Variants in ZGRF1 observed in about 807,000 individuals in gnomAD.
ZGRF1 encodes zinc finger GRF-type containing 1, also known as 5'-3' DNA helicase ZGRF1.
A neutral mutation model predicts 203.5 loss-of-function variants in ZGRF1; 196 were observed. The observed-to-expected ratio is 0.96, with a 90% CI of 0.86 to 1.08. ZGRF1 has a LOEUF of 1.08. ZGRF1 is among the 50% of genes least tolerant of loss of function. The pLI, the probability that ZGRF1 is intolerant of heterozygous loss-of-function variation, is 0.00. For synonymous variants in ZGRF1, 809 were observed against 841.3 expected (o/e 0.96, Z 0.66); for missense variants, 2,326 against 2,416.3 (o/e 0.96, Z 0.78).
chr4:112,557,458 A>C (rs1172803542), intron 20 of ZGRF1, among the ~76,000 whole-genome samples: 1 of 152,224 alleles, frequency 6.6e-6, no homozygotes, highest in African/African-American at 2.4e-5. Context: ...TACAGGCATG[A>C]GCCACCATGC....
chr4:112,612,883 A>G (rs2046738104), intron 6 of ZGRF1, among the ~76,000 whole-genome samples: 1 of 152,226 alleles, frequency 6.6e-6, no homozygotes, highest in South Asian at 2.1e-4. Context: ...TAATTAAAAA[A>G]TAAATACTAA....
chr4:112,562,872 T>A lies in ZGRF1; in HGVS notation c.4582+259A>T, dbSNP rs1245128117. Among the ~76,000 whole-genome samples, 4 of 152,206 alleles carry A rather than the reference T, an allele frequency of 2.6e-5. No homozygotes were observed. The East Asian group carries it at 7.7e-4, about 29-fold the overall frequency. ...TTAAACACTTTCTTGCATTTTTTCCTCAATTACTTCACAGAAATATATGGA... is the reference window on the plus strand; with the variant it reads ...TTAAACACTTTCTTGCATTTTTTCCACAATTACTTCACAGAAATATATGGA... On this transcript the variant is annotated intron_variant, in intron 17 of 27. Coordinates refer to ENST00000505019, the MANE Select transcript of ZGRF1 (RefSeq NM_018392.5).
chr4:112,617,517 A>C lies in ZGRF1; in HGVS notation c.2525T>G (p.Leu842Trp). 1 of 1,603,464 alleles carries C rather than the reference A, an allele frequency of 6.2e-7. No homozygotes were observed. Among genetic ancestry groups the C allele is most frequent in the Non-Finnish European group, 8.5e-7 (1 of 1,177,274 alleles). ...AGTATTTTTCTTTTTCAATATTTCC[A>C]AGCTGTCTAAAGCAGTACTGTGTTC... is the stretch of plus-strand genomic sequence containing the variant. ...LCEHSTALDS[L>W]EILKKKNTVF... Residue 842 changes from leucine to tryptophan, a missense_variant, in exon 6 of 28, where the codon TTG becomes TGG. Coordinates refer to ENST00000505019, the MANE Select transcript of ZGRF1 (RefSeq NM_018392.5).
At chr4:112,558,412 G>A in intron 19 of ZGRF1, 103 bp from the exon 20 acceptor site, 1 of 964,102 alleles carries the variant, frequency 1.0e-6, no homozygotes, top group Admixed American at 4.1e-5. Flanking sequence ...CTGTCACCCA[G>A]GCTGGAGTGC....
At chr4:112,575,482 G>GA (rs1553988455) in intron 16 of ZGRF1, among the ~76,000 whole-genome samples, 5 of 152,146 alleles carry the variant, frequency 3.3e-5, no homozygotes, top group Non-Finnish European at 7.4e-5. Flanking sequence ...GTGAGGCATC[G>GA]CCTCACCCGG....
intron 10 of ZGRF1, among the ~76,000 whole-genome samples, chr4:112,600,318 G>A (rs1560834851): frequency 6.6e-6 from 1 of 152,118 alleles, no homozygotes; most frequent in South Asian, 2.1e-4. Context: ...ACAGGTGTGA[G>A]TGACCTTGTC....
intron 16 of ZGRF1, among the ~76,000 whole-genome samples, chr4:112,567,069 T>C (rs534526300): frequency 1.3e-5 from 2 of 152,268 alleles, no homozygotes; most frequent in South Asian, 4.1e-4. Context: ...GGCTAAAGAA[T>C]TCTACAGTCT....
At chr4:112,568,500 C>CAG (rs1238281933) in intron 16 of ZGRF1, among the ~76,000 whole-genome samples, 1 of 147,830 alleles carries the variant, frequency 6.8e-6, no homozygotes, top group Non-Finnish European at 1.5e-5. Context: ...CACCTGAGGT[C>CAG]AGGAGTTCGA....
Position 112,603,703 on chromosome 4 carries a change from G to C in ZGRF1, c.2803-6C>G. 1.9e-6 allele frequency: 3 copies of C among 1,605,688 alleles called. No individual in the cohort carries two copies. Among genetic ancestry groups the C allele is most frequent in the Non-Finnish European group, 2.6e-6 (3 of 1,175,102 alleles). On this transcript the variant is annotated splice_polypyrimidine_tract_variant and splice_region_variant and intron_variant, in intron 9 of 27. Transcript: ENST00000505019. ...TGTCCTTGAAACTCAACAGGCTACA[G>C]GTAAATTATTAAAAATAAGAACTGC...
At chr4:112,565,299 T>C in intron 16 of ZGRF1, 2 of 1,497,154 alleles carry the variant, frequency 1.3e-6, no homozygotes, top group East Asian at 4.5e-5. Flanking sequence ...TGGTTGGCCT[T>C]TTTGAAGACA....
Position 112,587,841 on chromosome 4 carries a change from T to C in ZGRF1, c.3216A>G (p.Pro1072=), listed in dbSNP as rs1379563277. The C allele has an allele frequency of 1.3e-6, 2 of 1,551,516 alleles. No homozygotes were observed. The highest frequency in any genetic ancestry group is 4.9e-5 in the East Asian group (2 of 40,916). The part of the protein sequence containing the change: ...SRTQVPLITL[P]RTDGPPDLDS... ...CTAAGTCAGGTGGCCCATCAGTACG[T>C]GGCAAAGTAATAAGTGGAACCTGGG... The change falls in exon 12 of 28, where the codon CCA becomes CCG. Residue 1072 remains proline (P), a synonymous_variant. Transcript: ENST00000505019.
chr4:112,556,880 T>C (rs971366936), intron 20 of ZGRF1, among the ~76,000 whole-genome samples: 3 of 152,210 alleles, frequency 2.0e-5, no homozygotes, highest in African/African-American at 7.2e-5. Context: ...CGCTTAGAAA[T>C]AATGACTGTT....
rs1166642666 is a variant in ZGRF1, at chr4:112,560,798, G to C, written c.4895C>G (p.Ser1632Ter). 21 of 1,609,772 alleles carry C rather than the reference G, an allele frequency of 1.3e-5. No individual in the cohort carries two copies. Among genetic ancestry groups the C allele is most frequent in the Non-Finnish European group, 1.6e-5 (19 of 1,176,348 alleles). Reference protein sequence around the residue: ...ALIQIAQMMASHESIEEVKEL... With the variant: ...ALIQIAQMMA ...CTTCACTTCTTCAATGCTTTCATGT[G>C]ATGCCATCATTTGAGCTATTTGAAT... Residue 1632 changes from serine to a stop codon, truncating the protein, a stop_gained, in exon 19 of 28, where the codon TCA becomes TGA. Transcript: ENST00000505019. LOFTEE classifies it high-confidence loss of function.
intron 16 of ZGRF1, among the ~76,000 whole-genome samples, chr4:112,577,110 T>C (rs558915518): frequency 1.3e-5 from 1 of 74,822 alleles, no homozygotes; most frequent in Non-Finnish European, 3.1e-5. Flanking sequence ...CAGAAGAAAG[T>C]GGGGGCCAAT....
intron 16 of ZGRF1, chr4:112,564,964 G>A (rs553139746): frequency 1.1e-5 from 9 of 825,158 alleles, no homozygotes; most frequent in African/African-American, 1.0e-4. Context: ...GGAGAAATGA[G>A]GTAAGTAAGG....
intron 23 of ZGRF1, among the ~76,000 whole-genome samples, chr4:112,547,824 T>C (rs886396093): frequency 2.0e-5 from 3 of 152,178 alleles, no homozygotes; most frequent in African/African-American, 7.2e-5. Flanking sequence ...GAGTAGGATA[T>C]AGTGGGGAAA....
Position 112,547,383 on chromosome 4 carries a change from C to T in ZGRF1, c.5500G>A (p.Val1834Ile). 6.2e-7 allele frequency: 1 copy of T among 1,611,832 alleles called. No individual in the cohort carries two copies. The highest frequency in any genetic ancestry group is 8.5e-7 in the Non-Finnish European group (1 of 1,179,146). The change falls in exon 24 of 28, where the codon GTT (valine) becomes ATT (isoleucine). Residue 1834 changes from valine (V) to isoleucine (I), a missense_variant. By Grantham distance (29) the Val-to-Ile change is conservative (BLOSUM62 3). Coordinates refer to ENST00000505019, the MANE Select transcript of ZGRF1 (RefSeq NM_018392.5). Reference protein sequence around the residue: ...ARFECEKLILVGDPKQLPPTI... With the variant: ...ARFECEKLILIGDPKQLPPTI... ...GGAGGTAGCTGTTTGGGATCCCCAA[C>T]AAGAATCAGCTTTTCACACTCAAAC...
intron 16 of ZGRF1, among the ~76,000 whole-genome samples, chr4:112,564,138 A>C (rs1032694176): frequency 1.3e-5 from 2 of 152,254 alleles, no homozygotes; most frequent in African/African-American, 2.4e-5. Flanking sequence ...CAATTGGAAT[A>C]GTGCCAAAGA....
Position 112,617,949 on chromosome 4 carries a change from A to G in ZGRF1, c.2093T>C (p.Ile698Thr). 1 of 1,613,346 alleles carries G rather than the reference A, an allele frequency of 6.2e-7. No homozygotes were observed. Among genetic ancestry groups the G allele is most frequent in the Non-Finnish European group, 8.5e-7 (1 of 1,179,942 alleles). ...NLHIPHIQNQ[I>T]AENSNLFSED... is the part of the protein sequence containing the mutation. ...TGAAAATAGATTACTGTTTTCAGCA[A>G]TCTGGTTTTGAATATGAGGAATATG... The change falls in exon 6 of 28, where the codon ATT (isoleucine) becomes ACT (threonine). Residue 698 changes from isoleucine to threonine, a missense_variant. Ile to Thr is a moderately conservative substitution (Grantham distance 89). Transcript: ENST00000505019.
Sources: gnomAD v4.1 joint callset for allele counts (sites outside exome capture counted in the v4.1 genomes callset) on GRCh38, gnomAD v4.1.1 for gene constraint, MANE v1.5 for transcripts, NCBI Gene and HGNC (gene_info 2026-07-23, HGNC 2026-07-21) for gene names.